HMCN1: variants seen among roughly 807,000 people sequenced by gnomAD.
HMCN1 encodes hemicentin-1.
In HMCN1, 321 loss-of-function variants were observed where a neutral mutation model predicts 625.9. The ratio of observed to expected loss-of-function variants is 0.51; its 90% confidence interval spans 0.47 to 0.56. The LOEUF (loss-of-function observed/expected upper bound fraction) is 0.56. Ranked by LOEUF, HMCN1 falls within the 20% of genes least tolerant of loss-of-function variation. HMCN1 has a pLI of 0.00. For missense variants in HMCN1, 6,588 were observed against 6,887.3 expected (o/e 0.96, Z 1.54); for synonymous variants, 2,425 against 2,417.6 (o/e 1.00, Z -0.09).
At chr1:186,080,558 C>T (rs1175703591) in intron 55 of HMCN1, among the ~76,000 whole-genome samples, 1 of 152,112 alleles carries the variant, frequency 6.6e-6, no homozygotes, top group Admixed American at 6.6e-5. Flanking sequence ...AGTGGGACTT[C>T]TCAAACTTTA....
At chr1:186,041,210 G>A in intron 40 of HMCN1, 74 bp downstream of exon 40, 1 of 1,298,056 alleles carries the variant, frequency 7.7e-7, no homozygotes, top group Non-Finnish European at 1.1e-6. Flanking sequence ...GAAAGTTAAG[G>A]GAAGTTGTTG....
chr1:185,852,801 C>G (rs922873541), intron 2 of HMCN1, among the ~76,000 whole-genome samples: 4 of 151,966 alleles, frequency 2.6e-5, no homozygotes, highest in Non-Finnish European at 5.9e-5. Context: ...AAATAATCCC[C>G]AAATATTTAT....
rs1483556984 is a variant in HMCN1, at chr1:185,843,454, T to A, written c.269-2572T>A. Among the ~76,000 whole-genome samples, 5 of 152,308 alleles carry A rather than the reference T, an allele frequency of 3.3e-5. No individual in the cohort carries two copies. The East Asian group carries it at 9.6e-4, about 29-fold the overall frequency. ...AATTCTATAAGCACTGGAGACCATG[T>A]TCAGGCAGGAAGAGAGGACAAAGTT... On this transcript the variant is annotated intron_variant, in intron 1 of 106. Coordinates refer to ENST00000271588, the MANE Select transcript of HMCN1 (RefSeq NM_031935.3).
At chr1:185,847,605 G>T (rs1163403743) in intron 2 of HMCN1, among the ~76,000 whole-genome samples, 1 of 151,988 alleles carries the variant, frequency 6.6e-6, no homozygotes, top group Non-Finnish European at 1.5e-5. Flanking sequence ...TCAATTCCTT[G>T]GCTTTCTTGG....
Position 186,137,953 on chromosome 1 carries a change from C to A in HMCN1, c.13905C>A (p.Cys4635Ter). Residue 4635 changes from cysteine to a stop codon, truncating the protein, a stop_gained, in exon 89 of 107, where the codon TGC becomes TGA. Transcript: ENST00000271588. LOFTEE classifies it high-confidence loss of function. ...CEGNAVEIIM[C>*]NIRPCPVHGA... The stretch of plus-strand genomic sequence containing the variant: ...GGAATGCTGTGGAAATAATTATGTG[C>A]AACATTAGGCCTTGCCCAGGTGAGA... 1.2e-6 allele frequency: 2 copies of A among 1,613,942 alleles called. No homozygotes were observed. The highest frequency in any genetic ancestry group is 1.7e-6 in the Non-Finnish European group (2 of 1,179,910).
intron 89 of HMCN1, among the ~76,000 whole-genome samples, chr1:186,142,171 G>A (rs1156948006): frequency 2.0e-5 from 3 of 151,966 alleles, no homozygotes; most frequent in Admixed American, 1.3e-4. Flanking sequence ...CCTCCCTCAA[G>A]TAGGCCCCAG....
rs551843025 is a variant in HMCN1 at position 186,068,422 on chromosome 1, T to C, written c.7879+415T>C. 3.9e-5 allele frequency among the ~76,000 whole-genome samples: 6 copies of C among 152,248 alleles called. No individual in the cohort carries two copies. The South Asian group carries it at 1.2e-3, about 32-fold the overall frequency. ...GAAATAGATAATGCAAATAAAAAGATAAAGGATTATTTCTGGCTTTAAGAG... is the reference window on the plus strand; with the variant it reads ...GAAATAGATAATGCAAATAAAAAGACAAAGGATTATTTCTGGCTTTAAGAG... On this transcript the variant is annotated intron_variant, in intron 50 of 106. Coordinates refer to ENST00000271588, the MANE Select transcript of HMCN1 (RefSeq NM_031935.3).
At position 186,015,202 on chromosome 1, in the gene HMCN1, A is replaced by G. The variant is rs1433048617; in HGVS notation, c.4674A>G (p.Ser1558=). Residue 1558 remains serine (S), a synonymous_variant, in exon 31 of 107, where the codon TCA becomes TCG. Transcript: ENST00000271588. Reference sequence around the variant, plus strand: ...GAGGAAATGTCACCACAGACATATCAGTATTGATCAACAGCCTTATTAAAC... The same window carrying G: ...GAGGAAATGTCACCACAGACATATCGGTATTGATCAACAGCCTTATTAAAC... ...IKGGNVTTDI[S]VLINSLIKLE... is the part of the protein sequence containing the mutation. 6.2e-7 allele frequency: 1 copy of G among 1,613,634 alleles called. No individual in the cohort carries two copies. Among genetic ancestry groups the G allele is most frequent in the Admixed American group, 1.7e-5 (1 of 59,970 alleles).
At chr1:186,095,885 T>C (rs1660116208) in intron 68 of HMCN1, among the ~76,000 whole-genome samples, 1 of 152,190 alleles carries the variant, frequency 6.6e-6, no homozygotes, top group South Asian at 2.1e-4. Flanking sequence ...GTTATCCCTG[T>C]CTTTAAATGA....
chr1:185,961,178 C>G (rs182289334), intron 11 of HMCN1, among the ~76,000 whole-genome samples: 1 of 152,334 alleles, frequency 6.6e-6, no homozygotes, highest in East Asian at 1.9e-4. Flanking sequence ...CACTAATTAG[C>G]TTCCTTCAGT....
At chr1:186,000,589 G>A (rs945826894) in intron 26 of HMCN1, among the ~76,000 whole-genome samples, 7 of 146,434 alleles carry the variant, frequency 4.8e-5, no homozygotes, top group Non-Finnish European at 7.5e-5. Context: ...GTGTGTGTGT[G>A]TGTATGTATG....
rs538804946 is a variant in HMCN1 at position 185,875,277 on chromosome 1, A to G, written c.621+9414A>G. ...GTTTTTAAAATAAAGGAAAATAGTGAAGCCATTTCCACTAACAGAAAAAAT... is the reference window on the plus strand; with the variant it reads ...GTTTTTAAAATAAAGGAAAATAGTGGAGCCATTTCCACTAACAGAAAAAAT... On this transcript the variant is annotated intron_variant, in intron 4 of 106. Coordinates refer to ENST00000271588, the MANE Select transcript of HMCN1 (RefSeq NM_031935.3). 5.3e-5 allele frequency among the ~76,000 whole-genome samples: 8 copies of G among 152,138 alleles called. No individual in the cohort carries two copies. The South Asian group carries it at 1.2e-3, about 24-fold the overall frequency.
At chr1:185,896,728 T>C (rs767192614) in intron 4 of HMCN1, among the ~76,000 whole-genome samples, 3 of 152,208 alleles carry the variant, frequency 2.0e-5, no homozygotes, top group Non-Finnish European at 4.4e-5. Flanking sequence ...CGTTCTAATA[T>C]ATACATGGGT....
At chr1:185,874,809 C>A (rs972465422) in intron 4 of HMCN1, among the ~76,000 whole-genome samples, 1 of 151,796 alleles carries the variant, frequency 6.6e-6, no homozygotes, top group African/African-American at 2.4e-5. Context: ...TCATTAAATT[C>A]TTTTTATTAT....
At chr1:185,888,766 G>C (rs953181523) in intron 4 of HMCN1, among the ~76,000 whole-genome samples, 18 of 145,412 alleles carry the variant, frequency 1.2e-4, no homozygotes, top group Admixed American at 1.1e-3. Context: ...TTGTTCTTTT[G>C]GCTTAGGATT....
chr1:186,089,247 T>C (rs1659701622), intron 63 of HMCN1, among the ~76,000 whole-genome samples: 1 of 152,040 alleles, frequency 6.6e-6, no homozygotes, highest in Non-Finnish European at 1.5e-5. Context: ...TGTTCCAACA[T>C]AGTATTAAGC....
At chr1:185,847,800 A>C (rs1245673886) in intron 2 of HMCN1, among the ~76,000 whole-genome samples, 2 of 151,976 alleles carry the variant, frequency 1.3e-5, no homozygotes, top group Non-Finnish European at 2.9e-5. Context: ...AGAGAAAAAA[A>C]AATTCAGCCA....
intron 29 of HMCN1, among the ~76,000 whole-genome samples, chr1:186,006,019 C>T (rs897021523): frequency 6.6e-6 from 1 of 151,834 alleles, no homozygotes; most frequent in Admixed American, 6.6e-5. Context: ...GCCTGTAATT[C>T]CAGCTACTTG....
At chr1:185,768,395 G>A (rs1341421177) in intron 1 of HMCN1, among the ~76,000 whole-genome samples, 1 of 152,166 alleles carries the variant, frequency 6.6e-6, no homozygotes, top group Non-Finnish European at 1.5e-5. Context: ...AGGAAAGCAT[G>A]TAAAAACAGG....
Sources: gnomAD v4.1 joint callset for allele counts (sites outside exome capture counted in the v4.1 genomes callset) on GRCh38, gnomAD v4.1.1 for gene constraint, MANE v1.5 for transcripts, NCBI Gene and HGNC (gene_info 2026-07-23, HGNC 2026-07-21) for gene names.